Variants in TLN2 observed in about 807,000 individuals in gnomAD.
TLN2 encodes talin-2.
In TLN2, 118 loss-of-function variants were observed where a neutral mutation model predicts 294.7. The ratio of observed to expected loss-of-function variants is 0.40; its 90% confidence interval spans 0.34 to 0.47. TLN2 has a LOEUF of 0.47. Ranked by LOEUF, TLN2 falls within the 20% of genes least tolerant of loss-of-function variation. The probability of loss-of-function intolerance (pLI) is 0.84; values close to 1 mark genes in which losing one functional copy is unlikely to be tolerated. For synonymous variants in TLN2, 1,431 were observed against 1,304.5 expected (o/e 1.10, Z -2.09); for missense variants, 3,083 against 3,282.2 (o/e 0.94, Z 1.48).
At chr15:62,800,807 T>C (rs1355665984) in intron 50 of TLN2, 38 bp downstream of exon 50, 5 of 1,557,574 alleles carry the variant, frequency 3.2e-6, no homozygotes, top group Non-Finnish European at 4.4e-6. Flanking sequence ...GGTACCAGAG[T>C]CCCACAGCTG....
intron 54 of TLN2, among the ~76,000 whole-genome samples, chr15:62,821,731 T>G (rs1165185887): frequency 1.3e-5 from 2 of 152,188 alleles, no homozygotes; most frequent in Non-Finnish European, 1.5e-5. Context: ...TTACCAGGGC[T>G]CTCTCTGCTG....
intron 1 of TLN2, among the ~76,000 whole-genome samples, chr15:62,395,908 T>G (rs564806632): frequency 6.6e-6 from 1 of 152,320 alleles, no homozygotes; most frequent in South Asian, 2.1e-4. Context: ...TGATGTGGGC[T>G]CACTGCAACC....
chr15:62,611,326 G>A (rs143997140), intron 2 of TLN2, among the ~76,000 whole-genome samples: 95 of 152,324 alleles, frequency 6.2e-4, no homozygotes, highest in Admixed American at 1.3e-3. Flanking sequence ...AGCACCTGCT[G>A]TTTTCTCTAG....
chr15:62,461,561 T>C (rs922705491), intron 1 of TLN2, among the ~76,000 whole-genome samples: 1 of 152,240 alleles, frequency 6.6e-6, no homozygotes, highest in Non-Finnish European at 1.5e-5. Flanking sequence ...CTTTTCCTAG[T>C]GCATTCATTT....
intron 43 of TLN2, among the ~76,000 whole-genome samples, chr15:62,777,411 C>T (rs2063794684): frequency 1.3e-5 from 2 of 152,056 alleles, no homozygotes; most frequent in South Asian, 4.2e-4. Flanking sequence ...TTGCGCATGC[C>T]CATAATCCCA....
chr15:62,518,195 C>T (rs11071672), intron 1 of TLN2, among the ~76,000 whole-genome samples: 6,491 of 152,092 alleles, frequency 0.043, 463 homozygotes, highest in African/African-American at 0.15. Flanking sequence ...TGCGTCACCA[C>T]GTCCCGCTAG....
intron 3 of TLN2, among the ~76,000 whole-genome samples, chr15:62,639,769 C>A (rs1052029365): frequency 6.6e-6 from 1 of 152,178 alleles, no homozygotes; most frequent in Non-Finnish European, 1.5e-5. Context: ...TCTGGGTTCC[C>A]ACCAGTTGGG....
rs143625287 is a variant in TLN2, at chr15:62,824,546, G to C, written c.7002+3936G>C. ...CCTCCATACCAGCTGCATGGATACT[G>C]AGTCAGTGAGCTTTGTACAAACCTT... On this transcript the variant is annotated intron_variant, in intron 54 of 58. Transcript: ENST00000636159. Among the ~76,000 whole-genome samples the C allele has an allele frequency of 7.7e-4, 117 of 152,316 alleles. 1 individual carries two copies. The East Asian group carries it at 0.019, about 25-fold the overall frequency.
intron 32 of TLN2, among the ~76,000 whole-genome samples, chr15:62,745,318 T>TA (rs1452720867): frequency 1.3e-5 from 2 of 151,818 alleles, no homozygotes; most frequent in Non-Finnish European, 2.9e-5. Flanking sequence ...CTTTGATCAC[T>TA]AAAAAAAGAT....
chr15:62,712,166 G>A (rs1205956294), intron 22 of TLN2, 89 bp downstream of exon 22: 29 of 1,495,410 alleles, frequency 1.9e-5, no homozygotes, highest in Admixed American at 5.7e-5. Context: ...ATGGTCATCC[G>A]AGTGTGCATT....
chr15:62,809,343 GA>G (rs1169048939), intron 51 of TLN2, among the ~76,000 whole-genome samples: 2 of 152,130 alleles, frequency 1.3e-5, no homozygotes, highest in Non-Finnish European at 2.9e-5. Context: ...TGTGTATCTC[GA>G]CTTTTGTATA....
intron 1 of TLN2, among the ~76,000 whole-genome samples, chr15:62,402,467 C>T (rs1385316961): frequency 6.6e-6 from 1 of 152,186 alleles, no homozygotes; most frequent in African/African-American, 2.4e-5. Flanking sequence ...TCTTGTCCTC[C>T]TTACCCAGCT....
chr15:62,721,543 C>G (rs1476991807), intron 25 of TLN2, among the ~76,000 whole-genome samples: 1 of 151,724 alleles, frequency 6.6e-6, no homozygotes, highest in East Asian at 1.9e-4. Flanking sequence ...AACTTTTGTC[C>G]TTAATATTTA....
At chr15:62,542,474 G>A (rs902249631) in intron 1 of TLN2, among the ~76,000 whole-genome samples, 18 of 152,208 alleles carry the variant, frequency 1.2e-4, no homozygotes, top group Non-Finnish European at 2.6e-4. Context: ...ACAGGTGTGA[G>A]GCATCGCGCC....
intron 16 of TLN2, 134 bp downstream of exon 16, chr15:62,699,001 T>C (rs2058540276): frequency 2.3e-6 from 2 of 852,268 alleles, no homozygotes; most frequent in African/African-American, 1.7e-5. Context: ...TTCAGGATAT[T>C]GAGTCTTTGC....
Position 62,418,296 on chromosome 15 carries a change from A to G in TLN2, c.-238+27611A>G, listed in dbSNP as rs184796049. Among the ~76,000 whole-genome samples the G allele has an allele frequency of 7.8e-4, 119 of 152,308 alleles. 1 individual carries two copies. Among genetic ancestry groups the G allele is most frequent in the Non-Finnish European group, 1.0e-3 (70 of 68,026 alleles). On this transcript the variant is annotated intron_variant, in intron 1 of 58. Coordinates refer to ENST00000636159, the MANE Select transcript of TLN2 (RefSeq NM_015059.3). ...ACACTCCCACTCATCCTTAAGACACAACATTGCAATGATAGACTATTCTAG... is the reference window on the plus strand; with the variant it reads ...ACACTCCCACTCATCCTTAAGACACGACATTGCAATGATAGACTATTCTAG...
chr15:62,683,209 C>T (rs994622645), intron 11 of TLN2, among the ~76,000 whole-genome samples: 2 of 152,222 alleles, frequency 1.3e-5, no homozygotes, highest in African/African-American at 4.8e-5. Flanking sequence ...GCCAGAAGCT[C>T]AGTCCAGTTG....
At chr15:62,776,963 C>G in intron 43 of TLN2, 53 bp downstream of exon 43, 1 of 1,370,148 alleles carries the variant, frequency 7.3e-7, no homozygotes, top group Non-Finnish European at 9.5e-7. Context: ...ACCCATGGGC[C>G]TCGCGTGCTT....
chr15:62,720,648 G>GGTTGT (rs2060079690), intron 25 of TLN2, among the ~76,000 whole-genome samples: 1 of 149,098 alleles, frequency 6.7e-6, no homozygotes, highest in South Asian at 2.2e-4. Flanking sequence ...ATACAACACA[G>GGTTGT]GTGTGTGTGT....
Sources: allele counts gnomAD v4.1 joint callset (sites outside exome capture counted in the v4.1 genomes callset), GRCh38; gene constraint gnomAD v4.1.1; transcripts MANE v1.5; gene names NCBI Gene and HGNC (gene_info 2026-07-23, HGNC 2026-07-21).